The following ANKIB1 variants were observed in gnomAD, a reference collection of about 807,000 sequenced individuals.
ANKIB1 encodes ankyrin repeat and IBR domain-containing protein 1.
Under a neutral mutation model 122.1 loss-of-function variants are expected in ANKIB1, and 43 were observed. The ratio of observed to expected loss-of-function variants is 0.35; its 90% CI spans 0.28 to 0.45. ANKIB1 has a LOEUF of 0.45. Ranked by LOEUF, ANKIB1 falls within the 20% of genes least tolerant of loss-of-function variation. ANKIB1 has a pLI of 1.00. For synonymous variants in ANKIB1, 390 were observed against 442.0 expected, an observed-to-expected ratio of 0.88 and a Z score of 1.48; for missense variants, 992 against 1,329.5, an observed-to-expected ratio of 0.75 and a Z score of 3.95.
intron 1 of ANKIB1, among the ~76,000 whole-genome samples, chr7:92,272,349 T>C (rs918514872): frequency 1.3e-5 from 2 of 152,118 alleles, no homozygotes; most frequent in Non-Finnish European, 2.9e-5. Flanking sequence ...AGCAGTAATA[T>C]TGTAAGCTAG....
chr7:92,334,832 T>C (rs185874641), intron 5 of ANKIB1, among the ~76,000 whole-genome samples: 3 of 152,104 alleles, frequency 2.0e-5, no homozygotes, highest in African/African-American at 7.2e-5. Context: ...CCATACTCTG[T>C]TGCTGTTTGC....
At chr7:92,263,332 C>CACAG (rs1320688642) in intron 1 of ANKIB1, among the ~76,000 whole-genome samples, 2 of 152,162 alleles carry the variant, frequency 1.3e-5, no homozygotes, top group African/African-American at 4.8e-5. Flanking sequence ...TTTGTGTTTA[C>CACAG]ACAGTACAGT....
rs1241150364 is a variant in ANKIB1 at position 92,391,338 on chromosome 7, G to A, written c.2225G>A (p.Arg742Lys). Residue 742 changes from arginine to lysine, a missense_variant, in exon 16 of 20, where the codon AGG becomes AAG. By Grantham distance (26) the Arg-to-Lys change is conservative. Coordinates refer to ENST00000265742, the MANE Select transcript of ANKIB1 (RefSeq NM_019004.2). Reference protein sequence around the residue: ...VAPADSPEAPRRSFAGGTWDW... With the variant: ...VAPADSPEAPKRSFAGGTWDW... ...CCTGCAGACTCACCAGAAGCTCCAA[G>A]GCGCAGGTAAAAAGGACGTACACTG... 1.9e-6 allele frequency: 3 copies of A among 1,610,714 alleles called. No individual in the cohort carries two copies. The African/African-American group carries it at 4.0e-5, about 22-fold the overall frequency.
At position 92,345,018 on chromosome 7, in the gene ANKIB1, C is replaced by A; in HGVS notation, c.1037C>A (p.Pro346His). Reference protein sequence around the residue: ...CMCSISVFEDPVDMPCGHDFC... With the variant: ...CMCSISVFEDHVDMPCGHDFC... ...TGCAGTATCTCTGTATTTGAAGACC[C>A]TGTGGATATGCCCTGTGGACATGAC... The change falls in exon 7 of 20, where the codon CCT becomes CAT. Residue 346 changes from proline to histidine, a missense_variant. Coordinates refer to ENST00000265742, the MANE Select transcript of ANKIB1 (RefSeq NM_019004.2). 6.2e-7 allele frequency: 1 copy of A among 1,613,418 alleles called. No individual in the cohort carries two copies. The highest frequency in any genetic ancestry group is 8.5e-7 in the Non-Finnish European group (1 of 1,179,576).
At position 92,354,916 on chromosome 7, in the gene ANKIB1, T is replaced by C. The variant is rs192041542; in HGVS notation, c.1397+2274T>C. Among the ~76,000 whole-genome samples the C allele has an allele frequency of 2.4e-3, 359 of 152,338 alleles. 2 individuals carry two copies. Among genetic ancestry groups the C allele is most frequent in the African/African-American group, 8.1e-3 (337 of 41,578 alleles). On this transcript the variant is annotated intron_variant, in intron 9 of 19. Coordinates refer to ENST00000265742, the MANE Select transcript of ANKIB1 (RefSeq NM_019004.2). ...TTCTTCAAAATCTCAGAAGTAATTT[T>C]CTAAAGATGACTACAAAAACAACAA...
chr7:92,290,478 G>A (rs1317318755), intron 1 of ANKIB1, among the ~76,000 whole-genome samples: 1 of 150,848 alleles, frequency 6.6e-6, no homozygotes, highest in African/African-American at 2.4e-5. Flanking sequence ...TAGATTTAAG[G>A]TTGTTATTAT....
At chr7:92,349,344 CT>C (rs2131982336) in intron 7 of ANKIB1, among the ~76,000 whole-genome samples, 1 of 152,214 alleles carries the variant, frequency 6.6e-6, no homozygotes. Context: ...TGGGGATTCT[CT>C]TTTCTATGAA....
At chr7:92,335,785 T>C (rs903569318) in intron 5 of ANKIB1, among the ~76,000 whole-genome samples, 1 of 152,022 alleles carries the variant, frequency 6.6e-6, no homozygotes, top group Non-Finnish European at 1.5e-5. Flanking sequence ...GTGGTTGGAT[T>C]TAGGTCTTCC....
chr7:92,370,238 G>A (rs1804206051), intron 10 of ANKIB1, among the ~76,000 whole-genome samples: 1 of 152,008 alleles, frequency 6.6e-6, no homozygotes, highest in Non-Finnish European at 1.5e-5. Context: ...GCCGGGCACG[G>A]TGGCTCACTC....
At chr7:92,287,996 A>G (rs1802168735) in intron 1 of ANKIB1, among the ~76,000 whole-genome samples, 1 of 146,318 alleles carries the variant, frequency 6.8e-6, no homozygotes. Flanking sequence ...AGATTGCACC[A>G]CTGCACTCCA....
chr7:92,395,124 C>CCTTCTCTTTTATTCT (rs1454983868), intron 17 of ANKIB1, among the ~76,000 whole-genome samples: 1 of 152,090 alleles, frequency 6.6e-6, no homozygotes, highest in Non-Finnish European at 1.5e-5. Context: ...TCTTCTCTTC[C>CCTTCTCTTTTATTCT]CTTCTCTTTT....
rs757155178 is a variant in ANKIB1 at position 92,391,127 on chromosome 7, T to C, written c.2053-39T>C. The stretch of plus-strand genomic sequence containing the variant: ...CCTGGATTTGCTATTGATTAACCTA[T>C]GAAGCCTGTGATTTTTTTTTTTTCT... On this transcript the variant is annotated intron_variant, in intron 15 of 19. Transcript: ENST00000265742. The C allele has an allele frequency of 1.9e-6, 3 of 1,549,590 alleles. No homozygotes were observed. The African/African-American group carries it at 4.1e-5, about 21-fold the overall frequency.
chr7:92,326,487 G>GT (rs1803030121), intron 4 of ANKIB1, among the ~76,000 whole-genome samples: 1 of 152,154 alleles, frequency 6.6e-6, no homozygotes, highest in South Asian at 2.1e-4. Flanking sequence ...GAAATACACA[G>GT]TTGCCACCAT....
rs1164096706 is a variant in ANKIB1 at position 92,248,350 on chromosome 7, T to G, written c.-91+1831T>G. The stretch of plus-strand genomic sequence containing the variant: ...CTCCTGAAACATGGGAGGGAAGTTT[T>G]GTTAGCCACTCTTTTGTACTCCTGT... On this transcript the variant is annotated intron_variant, in intron 1 of 19. Coordinates refer to ENST00000265742, the MANE Select transcript of ANKIB1 (RefSeq NM_019004.2). Among the ~76,000 whole-genome samples the G allele has an allele frequency of 3.3e-5, 5 of 152,254 alleles. 1 individual carries two copies. Among genetic ancestry groups the G allele is most frequent in the African/African-American group, 1.2e-4 (5 of 41,546 alleles).
chr7:92,247,791 A>G (rs746976627), intron 1 of ANKIB1, among the ~76,000 whole-genome samples: 2 of 152,232 alleles, frequency 1.3e-5, no homozygotes, highest in Non-Finnish European at 2.9e-5. Flanking sequence ...TCATTCTGCA[A>G]ACTACTGTGT....
At chr7:92,386,826 T>A in intron 12 of ANKIB1, among the ~76,000 whole-genome samples, 183 bp downstream of exon 12, 1 of 152,198 alleles carries the variant, frequency 6.6e-6, no homozygotes, top group East Asian at 1.9e-4. Flanking sequence ...TACATTTTCC[T>A]TTTTTTAATT....
intron 11 of ANKIB1, among the ~76,000 whole-genome samples, chr7:92,375,986 A>G (rs1336115528): frequency 1.3e-5 from 2 of 152,216 alleles, no homozygotes; most frequent in Non-Finnish European, 2.9e-5. Flanking sequence ...TGCATTGCCA[A>G]TGAGCAGTAA....
At position 92,398,330 on chromosome 7, in the gene ANKIB1, C is replaced by T; in HGVS notation, c.2651C>T (p.Ser884Phe). ...ETRDFLSNEA[S>F]LGAIGTSLPS... ...AGAGACTTCCTCAGTAATGAAGCAT[C>T]CTTAGGTGCGATAGGCACTTCTTTA... Residue 884 changes from serine (S) to phenylalanine (F), a missense_variant, in exon 20 of 20, where the codon TCC (serine) becomes TTC (phenylalanine). Ser to Phe is a radical substitution (Grantham distance 155, BLOSUM62 -2). Coordinates refer to ENST00000265742, the MANE Select transcript of ANKIB1 (RefSeq NM_019004.2). 3.1e-6 allele frequency: 5 copies of T among 1,613,674 alleles called. No homozygotes were observed. Among genetic ancestry groups the T allele is most frequent in the Non-Finnish European group, 2.5e-6 (3 of 1,179,754 alleles).
chr7:92,285,673 A>G (rs1307732387), intron 1 of ANKIB1, among the ~76,000 whole-genome samples: 1 of 152,244 alleles, frequency 6.6e-6, no homozygotes, highest in Non-Finnish European at 1.5e-5. Flanking sequence ...AGGAAACAAG[A>G]TCTATACATA....
Sources: gnomAD v4.1 joint callset for allele counts (sites outside exome capture counted in the v4.1 genomes callset) on GRCh38, gnomAD v4.1.1 for gene constraint, MANE v1.5 for transcripts, NCBI Gene and HGNC (gene_info 2026-07-23, HGNC 2026-07-21) for gene names.